Variants in THRB observed in about 807,000 individuals in gnomAD.
THRB encodes thyroid hormone receptor beta.
Under a neutral mutation model 47.8 loss-of-function variants are expected in THRB, and 12 were observed. The ratio of observed to expected loss-of-function variants is 0.25; its 90% CI spans 0.16 to 0.41. THRB has a LOEUF of 0.41. Ranked by LOEUF, THRB falls within the 10% of genes least tolerant of loss-of-function variation. The probability of loss-of-function intolerance (pLI) is 1.00; values close to 1 mark genes in which losing one functional copy is unlikely to be tolerated. For synonymous variants in THRB, 218 were observed against 212.2 expected (o/e 1.03, Z -0.24); for missense variants, 348 against 589.2 (o/e 0.59, Z 4.24).
At chr3:24,245,265 G>GA (rs11370180) in intron 3 of THRB, among the ~76,000 whole-genome samples, 90,928 of 151,942 alleles carry the variant, frequency 0.6, 29,275 homozygotes, top group Middle Eastern at 0.76. Context: ...CTGGCAAGGG[G>GA]AAGAGTTAGA....
intron 1 of THRB, among the ~76,000 whole-genome samples, chr3:24,366,689 C>T (rs1041078180): frequency 6.9e-5 from 10 of 145,664 alleles, no homozygotes; most frequent in African/African-American, 1.8e-4. Flanking sequence ...GGCACCATCT[C>T]GGCTCACTGC....
intron 1 of THRB, among the ~76,000 whole-genome samples, chr3:24,403,141 T>A (rs752483657): frequency 3.9e-4 from 59 of 152,028 alleles, no homozygotes; most frequent in Non-Finnish European, 7.1e-4. Flanking sequence ...TAACATTGAG[T>A]GAAAAAATCT....
chr3:24,150,608 G>A (rs2036777402), intron 6 of THRB, among the ~76,000 whole-genome samples: 1 of 152,198 alleles, frequency 6.6e-6, no homozygotes, highest in Non-Finnish European at 1.5e-5. Context: ...GAAGACATAT[G>A]TGAGGCAGGG....
chr3:24,388,528 G>A lies in THRB; in HGVS notation c.-260-51157C>T, dbSNP rs114966566. On this transcript the variant is annotated intron_variant, in intron 1 of 10. Coordinates refer to ENST00000646209, the MANE Select transcript of THRB (RefSeq NM_001354712.2). ...ACTGTTTTGTGTGGAATTCATGGGG[G>A]TAAAACACTGTGAACTAGTTGCCAA... Among the ~76,000 whole-genome samples, 1,155 of 152,266 alleles carry A rather than the reference G, an allele frequency of 7.6e-3. 18 individuals are homozygous for A. The highest frequency in any genetic ancestry group is 0.026 in the African/African-American group (1,098 of 41,550).
chr3:24,435,297 G>T (rs914889024), intron 1 of THRB, among the ~76,000 whole-genome samples: 1 of 152,170 alleles, frequency 6.6e-6, no homozygotes, highest in African/African-American at 2.4e-5. Flanking sequence ...CTAGAGAAAA[G>T]AACCACTTGG....
intron 1 of THRB, among the ~76,000 whole-genome samples, chr3:24,378,044 T>C (rs1045917910): frequency 2.6e-5 from 4 of 152,154 alleles, no homozygotes; most frequent in Non-Finnish European, 5.9e-5. Flanking sequence ...CTCCTTTTGT[T>C]TGCAAGGTTG....
chr3:24,299,913 C>T (rs1576658085), intron 2 of THRB, among the ~76,000 whole-genome samples: 1 of 151,464 alleles, frequency 6.6e-6, no homozygotes, highest in Non-Finnish European at 1.5e-5. Context: ...AGGGGAATTA[C>T]AGGAAAGAGG....
At chr3:24,206,305 C>T (rs1435548102) in intron 4 of THRB, among the ~76,000 whole-genome samples, 1 of 152,212 alleles carries the variant, frequency 6.6e-6, no homozygotes, top group Admixed American at 6.5e-5. Context: ...AACTGTCTCT[C>T]AGACCACAGT....
intron 3 of THRB, among the ~76,000 whole-genome samples, chr3:24,243,073 A>G (rs967533285): frequency 1.2e-3 from 48 of 40,910 alleles, no homozygotes; most frequent in Admixed American, 3.4e-3. Flanking sequence ...CCTTTGAAAA[A>G]AAAAAAAAAA....
intron 4 of THRB, among the ~76,000 whole-genome samples, chr3:24,198,581 T>C (rs1474337607): frequency 1.3e-5 from 2 of 151,498 alleles, no homozygotes; most frequent in East Asian, 3.9e-4. Context: ...TACACGAACA[T>C]TCTGGACTCT....
intron 3 of THRB, among the ~76,000 whole-genome samples, chr3:24,245,031 C>T (rs565890605): frequency 5.9e-5 from 9 of 152,188 alleles, no homozygotes; most frequent in Non-Finnish European, 1.0e-4. Context: ...GGGGGCTATC[C>T]AGAGTCCTGG....
At chr3:24,395,395 C>T (rs754799934) in intron 1 of THRB, among the ~76,000 whole-genome samples, 34 of 151,904 alleles carry the variant, frequency 2.2e-4, no homozygotes, top group Non-Finnish European at 4.1e-4. Context: ...ATCTAAAATA[C>T]GTAAAGGACT....
intron 1 of THRB, among the ~76,000 whole-genome samples, chr3:24,388,233 TC>T (rs2066288422): frequency 6.6e-6 from 1 of 152,216 alleles, no homozygotes; most frequent in African/African-American, 2.4e-5. Flanking sequence ...TTGGAACAAC[TC>T]TGAAGGGCTA....
intron 3 of THRB, among the ~76,000 whole-genome samples, chr3:24,264,235 C>T (rs1489726357): frequency 6.6e-6 from 1 of 152,090 alleles, no homozygotes; most frequent in African/African-American, 2.4e-5. Flanking sequence ...TGAACATGAG[C>T]TCTCTGCAAA....
At chr3:24,165,643 A>G in intron 5 of THRB, 1 of 318,942 alleles carries the variant, frequency 3.1e-6, no homozygotes. Context: ...AAAGGTCTTA[A>G]GCTGTGCATG....
chr3:24,487,653 T>C (rs1471286525), intron 1 of THRB, among the ~76,000 whole-genome samples: 2 of 152,152 alleles, frequency 1.3e-5, no homozygotes, highest in East Asian at 3.9e-4. Flanking sequence ...GACTGTAGCA[T>C]TTCTCACTGT....
chr3:24,260,873 C>T (rs1347802449), intron 3 of THRB, among the ~76,000 whole-genome samples: 1 of 152,230 alleles, frequency 6.6e-6, no homozygotes, highest in Non-Finnish European at 1.5e-5. Flanking sequence ...CCTACGTATT[C>T]TATTACCACA....
intron 1 of THRB, among the ~76,000 whole-genome samples, chr3:24,481,665 A>C (rs1314533375): frequency 6.6e-6 from 1 of 152,032 alleles, no homozygotes. Flanking sequence ...GTGTCATTGG[A>C]GTGGCATGTT....
At chr3:24,253,526 G>A (rs1177131728) in intron 3 of THRB, among the ~76,000 whole-genome samples, 1 of 152,162 alleles carries the variant, frequency 6.6e-6, no homozygotes, top group Non-Finnish European at 1.5e-5. Context: ...TTTAAATAGT[G>A]AGGTCAGGAC....
Sources: allele counts gnomAD v4.1 joint callset (sites outside exome capture counted in the v4.1 genomes callset), GRCh38; gene constraint gnomAD v4.1.1; transcripts MANE v1.5; gene names NCBI Gene and HGNC (gene_info 2026-07-23, HGNC 2026-07-21).